Variants in AUTS2 observed in about 807,000 individuals in gnomAD.
AUTS2 encodes activator of transcription and developmental regulator AUTS2.
A neutral mutation model predicts 112.4 loss-of-function variants in AUTS2; 17 were observed. The ratio of observed to expected loss-of-function variants is 0.15; its 90% CI spans 0.10 to 0.23. The LOEUF (loss-of-function observed/expected upper bound fraction) is 0.23. Among genes scored for constraint, AUTS2 ranks in the 10% least tolerant of loss-of-function variants. AUTS2 has a pLI of 1.00. For synonymous variants in AUTS2, 751 were observed against 702.7 expected, an observed-to-expected ratio of 1.07 and a Z score of -1.09; for missense variants, 1,510 against 1,701.6, an observed-to-expected ratio of 0.89 and a Z score of 1.98.
chr7:70,784,789 A>C, intron 15 of AUTS2, 153 bp from the exon 16 acceptor site: 2 of 477,938 alleles, frequency 4.2e-6, no homozygotes, highest in Non-Finnish European at 7.4e-6. Context: ...ATTTTCTTTT[A>C]CCCTGTGTCT....
rs1039412783 is a variant in AUTS2 at position 69,803,127 on chromosome 7, T to A, written c.310-96159T>A. On this transcript the variant is annotated intron_variant, in intron 1 of 18. Coordinates refer to ENST00000342771, the MANE Select transcript of AUTS2 (RefSeq NM_015570.4). ...GGGTGGTTTTTAGCTCCTCCCACAA[T>A]GGGCAATAATCAGTTTGGGGTCTCA... Among the ~76,000 whole-genome samples the A allele has an allele frequency of 5.9e-5, 9 of 152,204 alleles. No homozygotes were observed. In the East Asian group the frequency reaches 1.3e-3, roughly 23 times the overall value.
chr7:69,965,858 GT>G (rs1797615829), intron 2 of AUTS2, among the ~76,000 whole-genome samples: 2 of 152,094 alleles, frequency 1.3e-5, no homozygotes, highest in Non-Finnish European at 2.9e-5. Flanking sequence ...CACACTTTCT[GT>G]CAATCTCAGT....
chr7:70,461,457 T>C (rs972342899), intron 5 of AUTS2, among the ~76,000 whole-genome samples: 6 of 152,144 alleles, frequency 3.9e-5, no homozygotes, highest in African/African-American at 1.4e-4. Flanking sequence ...GGCTCAGCAG[T>C]GGGATCCGAG....
At chr7:69,816,636 G>C (rs1052150970) in intron 1 of AUTS2, among the ~76,000 whole-genome samples, 4 of 152,180 alleles carry the variant, frequency 2.6e-5, no homozygotes, top group African/African-American at 9.7e-5. Flanking sequence ...GATAACTATA[G>C]AGTACTTTAC....
At chr7:70,654,590 A>T (rs2129542116) in intron 5 of AUTS2, among the ~76,000 whole-genome samples, 1 of 152,300 alleles carries the variant, frequency 6.6e-6, no homozygotes, top group South Asian at 2.1e-4. Flanking sequence ...TAAATTTGTT[A>T]CTTATTTGCA....
At chr7:70,737,717 A>ACAC (rs1787854917) in intron 6 of AUTS2, among the ~76,000 whole-genome samples, 1 of 152,192 alleles carries the variant, frequency 6.6e-6, no homozygotes, top group Non-Finnish European at 1.5e-5. Context: ...ATCAGAGAGT[A>ACAC]CACAGGATAT....
chr7:69,600,538 C>A (rs981544293), intron 1 of AUTS2, among the ~76,000 whole-genome samples: 13 of 85,554 alleles, frequency 1.5e-4, no homozygotes, highest in African/African-American at 6.2e-4. Context: ...CCCCCATATT[C>A]TTTTTTTTTT....
intron 4 of AUTS2, among the ~76,000 whole-genome samples, chr7:70,232,204 T>A (rs1027422678): frequency 6.6e-6 from 1 of 152,230 alleles, no homozygotes; most frequent in African/African-American, 2.4e-5. Context: ...GCAGGGATTT[T>A]TAATTTTTTA....
At chr7:69,931,646 C>T (rs1399926379) in intron 2 of AUTS2, among the ~76,000 whole-genome samples, 1 of 152,208 alleles carries the variant, frequency 6.6e-6, no homozygotes, top group Non-Finnish European at 1.5e-5. Context: ...GGGTTTCTTC[C>T]TTCTGTTTTT....
intron 4 of AUTS2, among the ~76,000 whole-genome samples, chr7:70,204,982 A>C (rs563879161): frequency 3.9e-5 from 6 of 152,312 alleles, no homozygotes; most frequent in Non-Finnish European, 5.9e-5. Flanking sequence ...GACTGTGTCC[A>C]TCACTTTGGT....
At chr7:69,861,157 T>G (rs985140553) in intron 1 of AUTS2, among the ~76,000 whole-genome samples, 5 of 152,046 alleles carry the variant, frequency 3.3e-5, no homozygotes, top group Admixed American at 3.3e-4. Context: ...CCTTTCTCTT[T>G]GATTTGTAGG....
chr7:69,884,045 G>T (rs1206424378), intron 1 of AUTS2, among the ~76,000 whole-genome samples: 1 of 152,138 alleles, frequency 6.6e-6, no homozygotes, highest in East Asian at 1.9e-4. Context: ...TTCCTTATGG[G>T]ACCAACAGCC....
chr7:70,370,368 C>G (rs781169752), intron 4 of AUTS2, among the ~76,000 whole-genome samples: 1 of 152,164 alleles, frequency 6.6e-6, no homozygotes, highest in South Asian at 2.1e-4. Flanking sequence ...GTAACCAACC[C>G]TCTATTTTTC....
At chr7:70,685,967 A>C (rs1480842718) in intron 5 of AUTS2, among the ~76,000 whole-genome samples, 1 of 152,078 alleles carries the variant, frequency 6.6e-6, no homozygotes, top group African/African-American at 2.4e-5. Flanking sequence ...TAATTTATAC[A>C]TGGGTGCAAT....
intron 1 of AUTS2, among the ~76,000 whole-genome samples, chr7:69,795,197 A>G (rs1279755455): frequency 1.3e-5 from 2 of 152,202 alleles, no homozygotes; most frequent in Non-Finnish European, 2.9e-5. Flanking sequence ...TTGCAAGGAA[A>G]ATGTATCAAC....
chr7:70,750,939 G>A (rs1267117272), intron 6 of AUTS2, among the ~76,000 whole-genome samples: 1 of 148,988 alleles, frequency 6.7e-6, no homozygotes, highest in Admixed American at 6.6e-5. Context: ...TCGAAACTAG[G>A]GTTTACCCTA....
intron 5 of AUTS2, among the ~76,000 whole-genome samples, chr7:70,455,145 G>A (rs1796683163): frequency 6.6e-6 from 1 of 152,146 alleles, no homozygotes; most frequent in African/African-American, 2.4e-5. Context: ...TGCTGAAGTT[G>A]GTACTGTTCT....
intron 4 of AUTS2, among the ~76,000 whole-genome samples, chr7:70,380,543 G>GA (rs1032938642): frequency 6.6e-6 from 1 of 152,200 alleles, no homozygotes; most frequent in Non-Finnish European, 1.5e-5. Context: ...CCACAGCCTG[G>GA]GCTTATGACT....
intron 2 of AUTS2, among the ~76,000 whole-genome samples, chr7:69,957,662 A>G (rs1248255836): frequency 2.6e-5 from 4 of 152,138 alleles, no homozygotes; most frequent in Non-Finnish European, 4.4e-5. Flanking sequence ...TGGAGGACTA[A>G]GTAATTATTA....
Sources: allele counts gnomAD v4.1 joint callset (sites outside exome capture counted in the v4.1 genomes callset), GRCh38; gene constraint gnomAD v4.1.1; transcripts MANE v1.5; gene names NCBI Gene and HGNC (gene_info 2026-07-23, HGNC 2026-07-21).